ERBB4: variants seen among roughly 807,000 people sequenced by gnomAD.
The protein encoded by ERBB4 is erb-b2 receptor tyrosine kinase 4.
A neutral mutation model predicts 158.0 loss-of-function variants in ERBB4; 42 were observed. The ratio of observed to expected loss-of-function variants is 0.27; its 90% confidence interval spans 0.21 to 0.34. The LOEUF (loss-of-function observed/expected upper bound fraction) is 0.34, where lower values mean the gene tolerates loss of function less well. ERBB4 is among the 10% of genes least tolerant of loss of function. ERBB4 has a pLI of 1.00. For synonymous variants in ERBB4, 583 were observed against 558.7 expected (o/e 1.04, Z -0.61); for missense variants, 1,333 against 1,624.1 (o/e 0.82, Z 3.08).
At chr2:211,844,822 C>T (rs1315508796) in intron 3 of ERBB4, among the ~76,000 whole-genome samples, 2 of 152,052 alleles carry the variant, frequency 1.3e-5, no homozygotes, top group Admixed American at 6.6e-5. Flanking sequence ...CATTAAGCAC[C>T]ATTTAACTGT....
rs2062496724 is a variant in ERBB4 at position 211,377,501 on chromosome 2, AAAC to A, written c.*6111_*6113del. 4.3e-6 allele frequency: 1 copy of A among 232,860 alleles called. No homozygotes were observed. Among genetic ancestry groups the A allele is most frequent in the Admixed American group, 5.6e-5 (1 of 17,744 alleles). 14.4% of individuals were successfully genotyped at this position (232,860 alleles called of 1,614,324 possible). On this transcript the variant is annotated 3_prime_UTR_variant, in exon 28 of 28. Coordinates refer to ENST00000342788, the MANE Select transcript of ERBB4 (RefSeq NM_005235.3). ...AGTAGGTAAAGGATGGCATTCTATT[AAAC>A]AACATGGATTTTCATTAACATGAAC...
chr2:212,284,150 A>G (rs1316578517), intron 1 of ERBB4, among the ~76,000 whole-genome samples: 2 of 152,142 alleles, frequency 1.3e-5, no homozygotes, highest in Admixed American at 6.6e-5. Flanking sequence ...AATATTATCA[A>G]CAGGTTCAGA....
chr2:211,660,918 T>C (rs922376150), intron 15 of ERBB4, among the ~76,000 whole-genome samples: 3 of 152,166 alleles, frequency 2.0e-5, no homozygotes, highest in Non-Finnish European at 4.4e-5. Context: ...TGATCATCAG[T>C]GTGAAAGGCA....
At chr2:211,435,457 T>G (rs962260107) in intron 20 of ERBB4, among the ~76,000 whole-genome samples, 1 of 152,216 alleles carries the variant, frequency 6.6e-6, no homozygotes, top group East Asian at 1.9e-4. Flanking sequence ...TCAAGTTACT[T>G]GCTCCAAGTT....
chr2:211,488,178 C>T (rs940958537), intron 20 of ERBB4, among the ~76,000 whole-genome samples: 13 of 152,140 alleles, frequency 8.5e-5, no homozygotes, highest in African/African-American at 3.1e-4. Flanking sequence ...ATTGTTCCTT[C>T]CCCCAGCATG....
At chr2:211,560,886 G>A (rs1420833685) in intron 20 of ERBB4, among the ~76,000 whole-genome samples, 1 of 151,780 alleles carries the variant, frequency 6.6e-6, no homozygotes, top group Non-Finnish European at 1.5e-5. Context: ...TCTATAATGT[G>A]CTTTTATTCA....
intron 12 of ERBB4, among the ~76,000 whole-genome samples, chr2:211,694,818 A>G (rs1200704714): frequency 2.0e-5 from 3 of 152,192 alleles, no homozygotes; most frequent in Non-Finnish European, 4.4e-5. Flanking sequence ...TTTTGTTTGT[A>G]AAAGCACATT....
At chr2:212,028,129 A>AT (rs2076817280) in intron 2 of ERBB4, among the ~76,000 whole-genome samples, 2 of 151,782 alleles carry the variant, frequency 1.3e-5, no homozygotes, top group Non-Finnish European at 1.5e-5. Flanking sequence ...AATGCCCCTG[A>AT]TTTTTTTTCA....
chr2:211,792,243 A>G lies in ERBB4; in HGVS notation c.422-4084T>C, dbSNP rs181903485. On this transcript the variant is annotated intron_variant, in intron 3 of 27. Coordinates refer to ENST00000342788, the MANE Select transcript of ERBB4 (RefSeq NM_005235.3). ...TCTACAGGTTATCTTGACTGGTCCT[A>G]TGTTTCATAAAGTATGAAGCTGTTA... Among the ~76,000 whole-genome samples, 511 of 151,862 alleles carry G rather than the reference A, an allele frequency of 3.4e-3. 2 individuals are homozygous for G. In the Middle Eastern group the frequency reaches 0.044, roughly 13 times the overall value.
intron 11 of ERBB4, among the ~76,000 whole-genome samples, chr2:211,703,535 A>G (rs1206071485): frequency 1.3e-5 from 2 of 152,242 alleles, no homozygotes; most frequent in Non-Finnish European, 2.9e-5. Flanking sequence ...AACATCATAC[A>G]GATGACATCA....
intron 2 of ERBB4, among the ~76,000 whole-genome samples, chr2:212,115,289 T>A (rs1166964917): frequency 6.6e-6 from 1 of 152,146 alleles, no homozygotes; most frequent in Middle Eastern, 3.2e-3. Flanking sequence ...ACCTTTAAAA[T>A]TGATTTGGTC....
At chr2:212,248,371 T>C (rs1288892350) in intron 1 of ERBB4, among the ~76,000 whole-genome samples, 1 of 152,202 alleles carries the variant, frequency 6.6e-6, no homozygotes, top group Non-Finnish European at 1.5e-5. Flanking sequence ...TTTTGTGTCC[T>C]CTGACAACAG....
chr2:211,683,501 G>T (rs531659656), intron 12 of ERBB4, among the ~76,000 whole-genome samples: 1 of 152,238 alleles, frequency 6.6e-6, no homozygotes, highest in South Asian at 2.1e-4. Context: ...CATCCAGGTT[G>T]TTGTGTTTAT....
At chr2:212,003,720 G>T (rs560766030) in intron 2 of ERBB4, among the ~76,000 whole-genome samples, 2 of 152,064 alleles carry the variant, frequency 1.3e-5, no homozygotes, top group Non-Finnish European at 2.9e-5. Context: ...TGATACTAGC[G>T]TATTAATCGA....
chr2:212,033,377 C>T (rs1445948789), intron 2 of ERBB4, among the ~76,000 whole-genome samples: 1 of 151,526 alleles, frequency 6.6e-6, no homozygotes, highest in Non-Finnish European at 1.5e-5. Flanking sequence ...TAATGCAGCT[C>T]AAGGCAACCA....
chr2:212,339,038 T>G (rs928074148), intron 1 of ERBB4, among the ~76,000 whole-genome samples: 4 of 152,186 alleles, frequency 2.6e-5, no homozygotes, highest in Non-Finnish European at 5.9e-5. Context: ...CCGGGGTACA[T>G]GTGCAGGATG....
At chr2:212,143,801 A>G (rs1309949604) in intron 1 of ERBB4, among the ~76,000 whole-genome samples, 1 of 152,018 alleles carries the variant, frequency 6.6e-6, no homozygotes, top group East Asian at 1.9e-4. Flanking sequence ...GCGGATCACA[A>G]GGTCAGGAGT....
chr2:212,274,805 G>A (rs1194248206), intron 1 of ERBB4, among the ~76,000 whole-genome samples: 1 of 151,348 alleles, frequency 6.6e-6, no homozygotes, highest in Non-Finnish European at 1.5e-5. Flanking sequence ...TAAGTTCTGG[G>A]GTACATGTGC....
At chr2:211,517,489 G>A (rs76630323) in intron 20 of ERBB4, among the ~76,000 whole-genome samples, 6,643 of 152,004 alleles carry the variant, frequency 0.044, 190 homozygotes, top group Middle Eastern at 0.086. Context: ...CTAACATTTT[G>A]CAGTGTTACA....
Sources: allele counts gnomAD v4.1 joint callset (sites outside exome capture counted in the v4.1 genomes callset), GRCh38; gene constraint gnomAD v4.1.1; transcripts MANE v1.5; gene names NCBI Gene and HGNC (gene_info 2026-07-23, HGNC 2026-07-21).